The following EXOC2 variants were observed in gnomAD, a reference collection of about 807,000 sequenced individuals.
EXOC2 encodes the protein exocyst complex component 2.
A neutral mutation model predicts 131.8 loss-of-function variants in EXOC2; 70 were observed. The ratio of observed to expected loss-of-function variants is 0.53; its 90% CI spans 0.44 to 0.65. The LOEUF is 0.65. Ranked by LOEUF, EXOC2 falls within the 30% of genes least tolerant of loss-of-function variation. EXOC2 has a pLI of 0.00. For synonymous variants in EXOC2, 411 were observed against 398.4 expected (o/e 1.03, Z -0.38); for missense variants, 923 against 1,108.6 (o/e 0.83, Z 2.38).
At position 658,541 on chromosome 6, in the gene EXOC2, A is replaced by T. The variant is rs9504634; in HGVS notation, c.-43-20680T>A. On this transcript the variant is annotated intron_variant, in intron 1 of 27. Transcript: ENST00000230449. ...CTGCTGTACACCCAGCATTTAGAAC[A>T]GTATTTGCCATGCAACTGGTGTTCA... Among the ~76,000 whole-genome samples, 1,250 of 151,476 alleles carry T rather than the reference A, an allele frequency of 8.3e-3. 17 individuals carry two copies. Among genetic ancestry groups the T allele is most frequent in the African/African-American group, 0.029 (1,201 of 41,328 alleles).
rs1185118354 is a variant in EXOC2, at chr6:556,501, T to G, written c.1915A>C (p.Lys639Gln). The change falls in exon 18 of 28, where the codon AAG becomes CAG. Residue 639 changes from lysine to glutamine, a missense_variant. Transcript: ENST00000230449. ...ATACTTACACTGGCCTCTCCCGGCT[T>G]GCACTCCAGAACCCCCTTCAGTGAC... is the stretch of plus-strand genomic sequence containing the variant. ...LQSLKGVLEC[K>Q]PGEASVFQQP... is the part of the protein sequence containing the mutation. 2.5e-6 allele frequency: 4 copies of G among 1,614,066 alleles called. No homozygotes were observed. Among genetic ancestry groups the G allele is most frequent in the Non-Finnish European group, 3.4e-6 (4 of 1,179,968 alleles).
At chr6:551,330 C>G (rs1188894739) in intron 21 of EXOC2, among the ~76,000 whole-genome samples, 2 of 152,180 alleles carry the variant, frequency 1.3e-5, no homozygotes, top group Non-Finnish European at 2.9e-5. Flanking sequence ...TTCTGGATAA[C>G]AGAACAAGAC....
intron 1 of EXOC2, among the ~76,000 whole-genome samples, chr6:658,667 T>TATATTTTATATATATATATATATTTATA (rs1561983437): frequency 1.5e-5 from 1 of 65,202 alleles, no homozygotes; most frequent in Non-Finnish European, 3.4e-5. Context: ...ATATATATAT[T>TATATTTTATATATATATATATATTTATA]TTTTTTTTTT....
chr6:496,182 T>C (rs1763726635), intron 25 of EXOC2, among the ~76,000 whole-genome samples: 1 of 152,210 alleles, frequency 6.6e-6, no homozygotes, highest in South Asian at 2.1e-4. Flanking sequence ...CTGGGTCATC[T>C]TAAGGGTGGC....
intron 1 of EXOC2, among the ~76,000 whole-genome samples, chr6:647,252 C>T (rs1367569665): frequency 6.6e-6 from 1 of 152,078 alleles, no homozygotes; most frequent in East Asian, 1.9e-4. Flanking sequence ...ATATGCTGCT[C>T]TCCTTGTTTC....
At chr6:655,347 T>C (rs553849126) in intron 1 of EXOC2, among the ~76,000 whole-genome samples, 68 of 152,226 alleles carry the variant, frequency 4.5e-4, no homozygotes, top group Non-Finnish European at 7.8e-4. Flanking sequence ...TTTTTAGACA[T>C]AGTACTATTG....
At chr6:511,584 G>A (rs1764845789) in intron 23 of EXOC2, among the ~76,000 whole-genome samples, 1 of 152,226 alleles carries the variant, frequency 6.6e-6, no homozygotes, top group African/African-American at 2.4e-5. Flanking sequence ...ACATTGAAGT[G>A]TGAGGCCAAG....
intron 6 of EXOC2, among the ~76,000 whole-genome samples, chr6:612,140 C>T (rs531238761): frequency 2.4e-4 from 36 of 152,328 alleles, no homozygotes; most frequent in Admixed American, 3.9e-4. Context: ...CTGTGTGAGA[C>T]AGGAATATTC....
chr6:678,761 G>GTTATGTTAT (rs1322822495), intron 1 of EXOC2, among the ~76,000 whole-genome samples: 1 of 152,084 alleles, frequency 6.6e-6, no homozygotes, highest in African/African-American at 2.4e-5. Flanking sequence ...TAACACGGTG[G>GTTATGTTAT]GAAAATTCCA....
chr6:569,580 A>G (rs527355318), intron 13 of EXOC2, among the ~76,000 whole-genome samples: 111 of 152,370 alleles, frequency 7.3e-4, no homozygotes, highest in African/African-American at 2.4e-3. Flanking sequence ...AATTCAATCC[A>G]GCTTCTGGGT....
At chr6:543,446 C>G (rs1401005848) in intron 22 of EXOC2, among the ~76,000 whole-genome samples, 1 of 152,038 alleles carries the variant, frequency 6.6e-6, no homozygotes, top group Non-Finnish European at 1.5e-5. Context: ...ATGGTAGTTA[C>G]CGGGGGCTGA....
At chr6:584,138 C>T (rs1231579665) in intron 11 of EXOC2, among the ~76,000 whole-genome samples, 1 of 152,168 alleles carries the variant, frequency 6.6e-6, no homozygotes, top group Non-Finnish European at 1.5e-5. Context: ...CTTACACTGA[C>T]TTTTTAACTA....
intron 23 of EXOC2, among the ~76,000 whole-genome samples, chr6:503,664 C>T (rs1016277326): frequency 1.3e-5 from 2 of 152,020 alleles, no homozygotes; most frequent in East Asian, 3.8e-4. Flanking sequence ...TTGTGAAGTC[C>T]TTAAACGGTT....
intron 21 of EXOC2, among the ~76,000 whole-genome samples, chr6:549,959 T>C (rs1475539280): frequency 6.6e-6 from 1 of 152,274 alleles, no homozygotes; most frequent in East Asian, 1.9e-4. Flanking sequence ...TCCAGGGTTC[T>C]GTCCACCTAA....
Position 592,573 on chromosome 6 carries a change from A to G in EXOC2, c.1088T>C (p.Leu363Pro). The G allele has an allele frequency of 1.2e-6, 2 of 1,613,848 alleles. No individual in the cohort carries two copies. Among genetic ancestry groups the G allele is most frequent in the Non-Finnish European group, 1.7e-6 (2 of 1,179,792 alleles). ...CCAAGCAGGGTCACCAGACGCATGA[A>G]GGTCAGACAGGTACCTGAAAAAGCA... ...QKRYIRYLSD[L>P]HASGDPAWQC... Residue 363 changes from leucine (L) to proline (P), a missense_variant, in exon 11 of 28, where the codon CTT becomes CCT. By Grantham distance (98) the Leu-to-Pro change is moderately conservative. Coordinates refer to ENST00000230449, the MANE Select transcript of EXOC2 (RefSeq NM_018303.6).
intron 1 of EXOC2, among the ~76,000 whole-genome samples, chr6:692,436 C>A (rs1764974105): frequency 6.6e-6 from 1 of 152,214 alleles, no homozygotes; most frequent in Admixed American, 6.5e-5. Context: ...ACAACAGGAC[C>A]TCAGGCTCTT....
chr6:590,069 C>A (rs909096091), intron 11 of EXOC2, among the ~76,000 whole-genome samples: 1 of 149,650 alleles, frequency 6.7e-6, no homozygotes, highest in East Asian at 2.0e-4. Flanking sequence ...GAGCTGAGAT[C>A]GAGCCACTGC....
At chr6:521,275 CCCA>C (rs1194346703) in intron 23 of EXOC2, among the ~76,000 whole-genome samples, 3 of 152,104 alleles carry the variant, frequency 2.0e-5, no homozygotes, top group Non-Finnish European at 2.9e-5. Context: ...AAAACCACCA[CCCA>C]CCGAGCGCCG....
intron 22 of EXOC2, among the ~76,000 whole-genome samples, 168 bp downstream of exon 22, chr6:549,007 G>C (rs2127564985): frequency 6.6e-6 from 1 of 152,324 alleles, no homozygotes; most frequent in East Asian, 1.9e-4. Flanking sequence ...CCATGGGAAG[G>C]AAGGGAATCA....
Sources: gnomAD v4.1 joint callset for allele counts (sites outside exome capture counted in the v4.1 genomes callset) on GRCh38, gnomAD v4.1.1 for gene constraint, MANE v1.5 for transcripts, NCBI Gene and HGNC (gene_info 2026-07-23, HGNC 2026-07-21) for gene names.